The following AGBL4 variants were observed in gnomAD, a reference collection of about 807,000 sequenced individuals.
AGBL4 encodes cytosolic carboxypeptidase 6.
Under a neutral mutation model 66.4 loss-of-function variants are expected in AGBL4, and 58 were observed. That is an observed-to-expected ratio of 0.87 (90% CI 0.71 to 1.09). The LOEUF (loss-of-function observed/expected upper bound fraction) is 1.09, where lower values mean the gene tolerates loss of function less well. AGBL4 is among the 50% of genes least tolerant of loss of function. The pLI, the probability that AGBL4 is intolerant of heterozygous loss-of-function variation, is 0.00. For missense variants in AGBL4, 579 were observed against 631.0 expected (o/e 0.92, Z 0.88); for synonymous variants, 234 against 222.9 (o/e 1.05, Z -0.44).
At chr1:49,227,686 T>G (rs1014640225) in intron 4 of AGBL4, among the ~76,000 whole-genome samples, 16 of 152,194 alleles carry the variant, frequency 1.1e-4, no homozygotes, top group African/African-American at 3.9e-4. Context: ...TAGGAATCAG[T>G]TGTATGATTT....
chr1:49,387,598 G>C (rs573170044), intron 3 of AGBL4, among the ~76,000 whole-genome samples: 129 of 152,068 alleles, frequency 8.5e-4, no homozygotes, highest in African/African-American at 3.0e-3. Context: ...CAAAAATGTG[G>C]TGTTAATGTC....
chr1:48,878,803 C>T (rs1005833264), intron 5 of AGBL4, among the ~76,000 whole-genome samples: 1 of 152,152 alleles, frequency 6.6e-6, no homozygotes, highest in African/African-American at 2.4e-5. Flanking sequence ...AAGTCTGGCA[C>T]TGAAAGTGAT....
chr1:49,463,509 A>G (rs930215662), intron 3 of AGBL4, among the ~76,000 whole-genome samples: 2 of 151,718 alleles, frequency 1.3e-5, no homozygotes, highest in African/African-American at 4.8e-5. Context: ...TGTATTACTC[A>G]TGGATCTTCA....
chr1:48,587,563 G>A, intron 10 of AGBL4, among the ~76,000 whole-genome samples: 1 of 151,876 alleles, frequency 6.6e-6, no homozygotes, highest in South Asian at 2.1e-4. Context: ...AGGAGTGTGA[G>A]TTCAGCCTAG....
At chr1:48,552,231 T>G (rs1644259820) in intron 11 of AGBL4, among the ~76,000 whole-genome samples, 8 of 151,988 alleles carry the variant, frequency 5.3e-5, no homozygotes, top group Admixed American at 4.6e-4. Context: ...GCCCGGCTAA[T>G]TTTTGTGTTT....
At chr1:49,985,975 G>A (rs928183932) in intron 1 of AGBL4, among the ~76,000 whole-genome samples, 3 of 152,032 alleles carry the variant, frequency 2.0e-5, no homozygotes, top group Admixed American at 6.6e-5. Flanking sequence ...CTGCTTCAAC[G>A]CTTTAATTAT....
chr1:49,970,140 A>C (rs1351431583), intron 1 of AGBL4, among the ~76,000 whole-genome samples: 1 of 152,218 alleles, frequency 6.6e-6, no homozygotes, highest in Non-Finnish European at 1.5e-5. Flanking sequence ...CTGAAACCAT[A>C]AATTACCAAG....
At chr1:49,818,367 T>C (rs1374043081) in intron 2 of AGBL4, among the ~76,000 whole-genome samples, 1 of 111,950 alleles carries the variant, frequency 8.9e-6, no homozygotes, top group African/African-American at 3.9e-5. Flanking sequence ...TTTTGTTTTT[T>C]TTGTTTTTTT....
At chr1:48,822,564 TCTCTA>T (rs1368914355) in intron 6 of AGBL4, among the ~76,000 whole-genome samples, 2 of 152,254 alleles carry the variant, frequency 1.3e-5, no homozygotes, top group African/African-American at 4.8e-5. Flanking sequence ...TGGGTAGAAC[TCTCTA>T]CTCTGCTCTA....
chr1:49,690,574 G>T (rs1646867385), intron 3 of AGBL4, among the ~76,000 whole-genome samples: 1 of 152,100 alleles, frequency 6.6e-6, no homozygotes, highest in African/African-American at 2.4e-5. Flanking sequence ...TGGGGGTTAG[G>T]ATACTAATAA....
At chr1:48,809,077 C>T (rs984685950) in intron 6 of AGBL4, among the ~76,000 whole-genome samples, 1 of 152,062 alleles carries the variant, frequency 6.6e-6, no homozygotes. Context: ...CATGAAGATC[C>T]GTGGGGCCTG....
chr1:49,941,102 C>T (rs892329704), intron 1 of AGBL4, among the ~76,000 whole-genome samples: 8 of 151,972 alleles, frequency 5.3e-5, no homozygotes, highest in African/African-American at 1.9e-4. Context: ...TACAACCTAC[C>T]TAATAACTGA....
At chr1:49,814,872 A>C (rs1645193830) in intron 2 of AGBL4, among the ~76,000 whole-genome samples, 1 of 152,080 alleles carries the variant, frequency 6.6e-6, no homozygotes, top group Non-Finnish European at 1.5e-5. Context: ...CATTAATTTT[A>C]ATTTTTATTT....
intron 6 of AGBL4, among the ~76,000 whole-genome samples, chr1:48,718,989 A>G (rs1647098593): frequency 1.3e-5 from 2 of 152,194 alleles, no homozygotes; most frequent in Non-Finnish European, 2.9e-5. Flanking sequence ...ACTGAACGTA[A>G]TACATCAGCT....
At chr1:49,480,754 G>A (rs1040218221) in intron 3 of AGBL4, among the ~76,000 whole-genome samples, 1 of 151,988 alleles carries the variant, frequency 6.6e-6, no homozygotes, top group Admixed American at 6.6e-5. Flanking sequence ...GTCTTCAAAG[G>A]TTTTTATAGT....
intron 3 of AGBL4, among the ~76,000 whole-genome samples, chr1:49,464,373 C>T (rs1043433242): frequency 6.6e-6 from 1 of 151,740 alleles, no homozygotes; most frequent in African/African-American, 2.4e-5. Context: ...TTTACTCCTT[C>T]TTTATCTGTG....
chr1:49,970,011 T>C (rs1657916790), intron 1 of AGBL4, among the ~76,000 whole-genome samples: 1 of 152,162 alleles, frequency 6.6e-6, no homozygotes, highest in African/African-American at 2.4e-5. Context: ...GAGTAGTCTC[T>C]TCAATAGATA....
intron 4 of AGBL4, among the ~76,000 whole-genome samples, chr1:49,244,887 T>C (rs916511899): frequency 1.3e-5 from 2 of 151,846 alleles, no homozygotes; most frequent in African/African-American, 4.8e-5. Context: ...GTCTTTCATT[T>C]TGTTGTACTC....
intron 4 of AGBL4, among the ~76,000 whole-genome samples, chr1:49,047,792 G>A (rs914487570): frequency 6.6e-6 from 1 of 152,140 alleles, no homozygotes; most frequent in Non-Finnish European, 1.5e-5. Context: ...AGGGGTAAAG[G>A]AAGAAGTGAA....
Sources: gnomAD v4.1 joint callset for allele counts (sites outside exome capture counted in the v4.1 genomes callset) on GRCh38, gnomAD v4.1.1 for gene constraint, MANE v1.5 for transcripts, NCBI Gene and HGNC (gene_info 2026-07-23, HGNC 2026-07-21) for gene names.